FHAD1: variants seen among roughly 807,000 people sequenced by gnomAD.
FHAD1 encodes the protein forkhead-associated domain-containing protein 1.
In FHAD1, 146 loss-of-function variants were observed where a neutral mutation model predicts 191.3. That is an observed-to-expected ratio of 0.76 (90% confidence interval 0.67 to 0.88). The LOEUF (loss-of-function observed/expected upper bound fraction) is 0.88, where lower values mean the gene tolerates loss of function less well. Ranked by LOEUF, FHAD1 falls within the 40% of genes least tolerant of loss-of-function variation. The probability of loss-of-function intolerance (pLI) is 0.00; values close to 1 mark genes in which losing one functional copy is unlikely to be tolerated. For synonymous variants in FHAD1, 616 were observed against 672.3 expected, an observed-to-expected ratio of 0.92 and a Z score of 1.29; for missense variants, 1,635 against 1,785.8, an observed-to-expected ratio of 0.92 and a Z score of 1.52.
intron 2 of FHAD1, among the ~76,000 whole-genome samples, chr1:15,269,432 A>G (rs1043248387): frequency 6.6e-6 from 1 of 152,186 alleles, no homozygotes; most frequent in African/African-American, 2.4e-5. Context: ...TTATTTAGAA[A>G]TGTGTTGTTT....
intron 18 of FHAD1, among the ~76,000 whole-genome samples, chr1:15,348,836 C>T (rs934134109): frequency 1.3e-5 from 2 of 152,058 alleles, no homozygotes; most frequent in African/African-American, 4.8e-5. Flanking sequence ...TCGGTTTCCT[C>T]ATCTGTAAAA....
intron 14 of FHAD1, among the ~76,000 whole-genome samples, chr1:15,331,522 GGATGGAT>G: frequency 7.0e-6 from 1 of 143,640 alleles, no homozygotes; most frequent in African/African-American, 2.6e-5. Context: ...ATGGATGGAT[GGATGGAT>G]GAAAGGATGG....
At chr1:15,342,026 G>A (rs1686917121) in intron 16 of FHAD1, 138 bp downstream of exon 16, 1 of 675,396 alleles carries the variant, frequency 1.5e-6, no homozygotes, top group East Asian at 3.1e-5. Flanking sequence ...TAATTAAACA[G>A]GGTGAATAAT....
intron 31 of FHAD1, among the ~76,000 whole-genome samples, chr1:15,387,335 G>C (rs1375066149): frequency 6.6e-6 from 1 of 152,198 alleles, no homozygotes; most frequent in Non-Finnish European, 1.5e-5. Context: ...GTAGAAATTG[G>C]TAGATGTGTG....
chr1:15,379,566 A>G (rs559632388), intron 28 of FHAD1, among the ~76,000 whole-genome samples: 1 of 152,142 alleles, frequency 6.6e-6, no homozygotes, highest in Non-Finnish European at 1.5e-5. Context: ...CAGACCCTTT[A>G]CGGGTGTCTG....
chr1:15,340,427 G>A (rs1287469904), intron 15 of FHAD1, among the ~76,000 whole-genome samples: 1 of 152,164 alleles, frequency 6.6e-6, no homozygotes, highest in Non-Finnish European at 1.5e-5. Context: ...GCCTTTGGTT[G>A]ATCTAGACTG....
intron 1 of FHAD1, among the ~76,000 whole-genome samples, chr1:15,249,865 G>A (rs1780603): frequency 0.29 from 44,270 of 151,930 alleles, 7,498 homozygotes; most frequent in Non-Finnish European, 0.39. Flanking sequence ...TGAGGATTAT[G>A]TAGTGGTGAC....
chr1:15,355,653 C>T (rs925129495), intron 20 of FHAD1, among the ~76,000 whole-genome samples: 9 of 152,120 alleles, frequency 5.9e-5, no homozygotes, highest in Non-Finnish European at 8.8e-5. Context: ...CTGAGCTGTA[C>T]GTGACAAGCT....
intron 14 of FHAD1, among the ~76,000 whole-genome samples, chr1:15,338,446 T>C (rs1685159473): frequency 6.6e-6 from 1 of 152,220 alleles, no homozygotes; most frequent in Non-Finnish European, 1.5e-5. Context: ...CAAGCCTCCG[T>C]CTGTCTCCTT....
intron 11 of FHAD1, 111 bp downstream of exon 11, chr1:15,324,670 G>A (rs374067030): frequency 5.7e-5 from 42 of 740,578 alleles, no homozygotes; most frequent in Non-Finnish European, 7.1e-5. Context: ...ACAGACGTGC[G>A]TTAATTCTCC....
intron 33 of FHAD1, among the ~76,000 whole-genome samples, chr1:15,392,026 T>A (rs1047494794): frequency 6.6e-6 from 1 of 152,188 alleles, no homozygotes; most frequent in Non-Finnish European, 1.5e-5. Flanking sequence ...GACATTGGGA[T>A]GGGCCCTGGA....
At chr1:15,245,918 G>A (rs774379959), upstream of FHAD1, among the ~76,000 whole-genome samples, 10 of 152,298 alleles carry the variant, frequency 6.6e-5, no homozygotes, top group Admixed American at 3.3e-4. Flanking sequence ...ACCACAAATC[G>A]ATGTCCATGA....
chr1:15,252,774 A>G (rs1190219530), intron 2 of FHAD1, among the ~76,000 whole-genome samples: 1 of 152,238 alleles, frequency 6.6e-6, no homozygotes. Flanking sequence ...TAGCCTGGGC[A>G]TTCTTTCATT....
At chr1:15,288,598 G>T (rs959990575) in intron 3 of FHAD1, among the ~76,000 whole-genome samples, 3 of 152,228 alleles carry the variant, frequency 2.0e-5, no homozygotes, top group Non-Finnish European at 2.9e-5. Flanking sequence ...TGATTGGCTT[G>T]TTCTGTTATT....
intron 7 of FHAD1, among the ~76,000 whole-genome samples, chr1:15,309,132 A>G (rs1257068961): frequency 3.3e-5 from 5 of 152,256 alleles, no homozygotes; most frequent in African/African-American, 1.2e-4. Flanking sequence ...TAAGGCACCC[A>G]GCCTCTTACC....
intron 31 of FHAD1, among the ~76,000 whole-genome samples, chr1:15,382,580 G>A (rs1488407482): frequency 2.0e-5 from 3 of 152,230 alleles, no homozygotes; most frequent in African/African-American, 7.2e-5. Context: ...GAACGGATGG[G>A]TGGAAGGACA....
At chr1:15,347,154 C>T (rs1689193467) in intron 18 of FHAD1, among the ~76,000 whole-genome samples, 1 of 152,214 alleles carries the variant, frequency 6.6e-6, no homozygotes, top group African/African-American at 2.4e-5. Flanking sequence ...TCTCACAGAG[C>T]GTCACTGAGG....
chr1:15,379,606 C>T (rs1487997760), intron 28 of FHAD1, among the ~76,000 whole-genome samples: 1 of 152,186 alleles, frequency 6.6e-6, no homozygotes, highest in Non-Finnish European at 1.5e-5. Context: ...TTTCCCTTCC[C>T]ACGAGGCCAT....
At chr1:15,371,920 G>T (rs1698218999) in intron 26 of FHAD1, among the ~76,000 whole-genome samples, 1 of 152,222 alleles carries the variant, frequency 6.6e-6, no homozygotes, top group Admixed American at 6.5e-5. Context: ...TTTCTGACAG[G>T]CTCTGTATTT....
Sources: gnomAD v4.1 joint callset for allele counts (sites outside exome capture counted in the v4.1 genomes callset) on GRCh38, gnomAD v4.1.1 for gene constraint, MANE v1.5 for transcripts, NCBI Gene and HGNC (gene_info 2026-07-23, HGNC 2026-07-21) for gene names.